CNTNAP2: variants seen among roughly 807,000 people sequenced by gnomAD.
CNTNAP2 encodes the protein contactin associated protein 2.
CNTNAP2 carries 98 observed loss-of-function variants against 155.2 expected under a neutral mutation model. That is an observed-to-expected ratio of 0.63 (90% confidence interval 0.54 to 0.75). CNTNAP2 has a LOEUF of 0.75. Among genes scored for constraint, CNTNAP2 ranks in the 30% least tolerant of loss-of-function variants. CNTNAP2 has a pLI of 0.00. For missense variants in CNTNAP2, 1,727 were observed against 1,688.1 expected, an observed-to-expected ratio of 1.02 and a Z score of -0.40; for synonymous variants, 651 against 631.2, an observed-to-expected ratio of 1.03 and a Z score of -0.47.
At chr7:147,638,091 T>A (rs1795210667) in intron 12 of CNTNAP2, among the ~76,000 whole-genome samples, 1 of 152,208 alleles carries the variant, frequency 6.6e-6, no homozygotes, top group African/African-American at 2.4e-5. Flanking sequence ...ATTAAGGATT[T>A]AAATATATTT....
intron 21 of CNTNAP2, among the ~76,000 whole-genome samples, chr7:148,324,219 A>G (rs1797850809): frequency 6.6e-6 from 1 of 152,004 alleles, no homozygotes; most frequent in Non-Finnish European, 1.5e-5. Context: ...AATGAAGGTG[A>G]TGTGTCCCAG....
intron 1 of CNTNAP2, among the ~76,000 whole-genome samples, chr7:146,303,554 T>C (rs1428681007): frequency 1.3e-5 from 2 of 152,158 alleles, no homozygotes; most frequent in African/African-American, 4.8e-5. Flanking sequence ...AGCAGGTTTT[T>C]CAGTTTCCAT....
intron 13 of CNTNAP2, among the ~76,000 whole-genome samples, chr7:147,712,315 A>C (rs1267736902): frequency 6.6e-6 from 1 of 152,216 alleles, no homozygotes; most frequent in Non-Finnish European, 1.5e-5. Context: ...AAACTGGTTC[A>C]ACCATTGTGG....
At chr7:146,612,905 G>T in intron 1 of CNTNAP2, among the ~76,000 whole-genome samples, 1 of 142,876 alleles carries the variant, frequency 7.0e-6, no homozygotes. Context: ...GGACCACTTT[G>T]TTTCACTTAT....
intron 16 of CNTNAP2, among the ~76,000 whole-genome samples, chr7:148,131,087 CTTTTTTTTTTTTTTTTTT>C (rs755587892): frequency 4.1e-5 from 4 of 97,180 alleles, no homozygotes; most frequent in Non-Finnish European, 6.1e-5. Flanking sequence ...TTTTCTTCTT[CTTTTTTTTTTTTTTTTTT>C]TTTTTTTTGA....
At position 146,628,362 on chromosome 7, in the gene CNTNAP2, AG is replaced by A. The variant is rs1799455375; in HGVS notation, c.98-145907del. Among the ~76,000 whole-genome samples the A allele has an allele frequency of 2.0e-5, 3 of 152,290 alleles. 1 individual carries two copies. The South Asian group carries it at 6.2e-4, about 32-fold the overall frequency. ...AGTAGATAGTAGAATAGTGGTTACC[AG>A]GAGCTAGAGTAGTTGATCAAATGAT... is the stretch of plus-strand genomic sequence containing the variant. On this transcript the variant is annotated intron_variant, in intron 1 of 23. Transcript: ENST00000361727.
rs1192552082 is a variant in CNTNAP2 at position 147,787,019 on chromosome 7, G to C, written c.2099-116546G>C. On this transcript the variant is annotated intron_variant, in intron 13 of 23. Coordinates refer to ENST00000361727, the MANE Select transcript of CNTNAP2 (RefSeq NM_014141.6). ...AGGAAGGGAGGGAAAAAGAGAGAGA[G>C]AGAGAGAAGACAAGACAAGACAAGA... is the stretch of plus-strand genomic sequence containing the variant. 3.3e-5 allele frequency among the ~76,000 whole-genome samples: 5 copies of C among 152,164 alleles called. No individual in the cohort carries two copies. The South Asian group carries it at 6.2e-4, about 19-fold the overall frequency.
At chr7:148,101,350 A>AGAGTGTGT (rs1247428489) in intron 15 of CNTNAP2, among the ~76,000 whole-genome samples, 56 of 144,454 alleles carry the variant, frequency 3.9e-4, no homozygotes, top group African/African-American at 1.4e-3. Flanking sequence ...TAAAAAGTTC[A>AGAGTGTGT]GTGTGTGTGT....
intron 3 of CNTNAP2, among the ~76,000 whole-genome samples, chr7:146,972,050 T>C (rs540441239): frequency 5.7e-4 from 87 of 152,308 alleles, no homozygotes; most frequent in African/African-American, 2.1e-3. Flanking sequence ...AGCCTTGACA[T>C]GTACACTTGT....
chr7:146,797,877 A>G (rs557636460), intron 2 of CNTNAP2, among the ~76,000 whole-genome samples: 1 of 152,332 alleles, frequency 6.6e-6, no homozygotes, highest in Admixed American at 6.5e-5. Context: ...TTTCAGGTGT[A>G]ACTATGTATA....
chr7:148,267,237 A>G (rs1796689682), intron 21 of CNTNAP2, 111 bp downstream of exon 21: 1 of 915,496 alleles, frequency 1.1e-6, no homozygotes, highest in Non-Finnish European at 1.8e-6. Context: ...CCAGTCACGA[A>G]TATCTTCTCT....
chr7:147,529,888 G>A (rs1799400656), intron 11 of CNTNAP2, among the ~76,000 whole-genome samples: 1 of 152,118 alleles, frequency 6.6e-6, no homozygotes, highest in African/African-American at 2.4e-5. Context: ...GGAAATCACA[G>A]GACTCCACCA....
intron 3 of CNTNAP2, among the ~76,000 whole-genome samples, chr7:146,911,226 A>G (rs1356837500): frequency 6.6e-6 from 1 of 152,094 alleles, no homozygotes; most frequent in East Asian, 1.9e-4. Context: ...AACTAGTTCA[A>G]CCCTTGTGGA....
intron 1 of CNTNAP2, among the ~76,000 whole-genome samples, chr7:146,564,902 T>C (rs1435724094): frequency 1.3e-5 from 2 of 152,126 alleles, no homozygotes; most frequent in Non-Finnish European, 2.9e-5. Flanking sequence ...TTATTATACA[T>C]ATTCTATAGA....
At chr7:146,357,954 A>C (rs1795024299) in intron 1 of CNTNAP2, among the ~76,000 whole-genome samples, 1 of 151,864 alleles carries the variant, frequency 6.6e-6, no homozygotes, top group South Asian at 2.1e-4. Context: ...CCACACATTA[A>C]AGAGTTCTGC....
intron 1 of CNTNAP2, among the ~76,000 whole-genome samples, chr7:146,218,471 T>A (rs1584807700): frequency 6.6e-6 from 1 of 151,884 alleles, no homozygotes; most frequent in Non-Finnish European, 1.5e-5. Context: ...ATCGCGCCAC[T>A]GCACTCCAGC....
intron 1 of CNTNAP2, among the ~76,000 whole-genome samples, chr7:146,136,193 G>A (rs1210617629): frequency 2.6e-5 from 4 of 152,122 alleles, no homozygotes; most frequent in African/African-American, 9.6e-5. Flanking sequence ...TGTACTCTAT[G>A]CCCTTCTTAA....
In CNTNAP2 at chr7:147,636,445, C is replaced by G. The variant is rs1225733427; in HGVS notation, c.1898-2661C>G. 2.0e-5 allele frequency among the ~76,000 whole-genome samples: 3 copies of G among 151,336 alleles called. No homozygotes were observed. In the East Asian group the frequency reaches 5.8e-4, roughly 29 times the overall value. On this transcript the variant is annotated intron_variant, in intron 12 of 23. Coordinates refer to ENST00000361727, the MANE Select transcript of CNTNAP2 (RefSeq NM_014141.6). ...TTTACTTTTTTATTTTTTTATTTTC[C>G]TTTAAGTTCTTGGATACATGTGCAG...
At chr7:148,284,050 C>G (rs917781298) in intron 21 of CNTNAP2, among the ~76,000 whole-genome samples, 1 of 152,198 alleles carries the variant, frequency 6.6e-6, no homozygotes, top group Non-Finnish European at 1.5e-5. Context: ...TGACAATTGA[C>G]TGAATTATTT....
Sources: gnomAD v4.1 joint callset for allele counts (sites outside exome capture counted in the v4.1 genomes callset) on GRCh38, gnomAD v4.1.1 for gene constraint, MANE v1.5 for transcripts, NCBI Gene and HGNC (gene_info 2026-07-23, HGNC 2026-07-21) for gene names.